ZMIZ1: variants seen among roughly 807,000 people sequenced by gnomAD.
The protein encoded by ZMIZ1 is zinc finger MIZ-type containing 1.
A neutral mutation model predicts 113.9 loss-of-function variants in ZMIZ1; 17 were observed. That is an observed-to-expected ratio of 0.15 (90% CI 0.10 to 0.22). ZMIZ1 has a LOEUF of 0.22. Ranked by LOEUF, ZMIZ1 falls within the 10% of genes least tolerant of loss-of-function variation. The probability of loss-of-function intolerance (pLI) is 1.00; values close to 1 mark genes in which losing one functional copy is unlikely to be tolerated. For synonymous variants in ZMIZ1, 607 were observed against 603.1 expected, an observed-to-expected ratio of 1.01 and a Z score of -0.09; for missense variants, 1,059 against 1,477.8, an observed-to-expected ratio of 0.72 and a Z score of 4.65.
At chr10:79,198,041 C>T (rs150473929) in intron 4 of ZMIZ1, among the ~76,000 whole-genome samples, 1,726 of 152,220 alleles carry the variant, frequency 0.011, 35 homozygotes, top group African/African-American at 0.039. Flanking sequence ...GGGTGGATCA[C>T]GAGATCAAGA....
chr10:79,114,891 AGAGGGACCTG>A (rs1471696509), intron 1 of ZMIZ1, among the ~76,000 whole-genome samples: 2 of 152,188 alleles, frequency 1.3e-5, no homozygotes, highest in African/African-American at 4.8e-5. Flanking sequence ...TGAGGGACTC[AGAGGGACCTG>A]GAGGGTCATC....
At chr10:79,297,875 G>A (rs981248156) in intron 14 of ZMIZ1, among the ~76,000 whole-genome samples, 185 bp downstream of exon 14, 1 of 152,252 alleles carries the variant, frequency 6.6e-6, no homozygotes, top group Admixed American at 6.5e-5. Context: ...CAGGTGGGGT[G>A]AGCCCCAGGG....
chr10:79,072,911 T>C (rs1842339300), intron 1 of ZMIZ1, among the ~76,000 whole-genome samples: 1 of 152,216 alleles, frequency 6.6e-6, no homozygotes, highest in African/African-American at 2.4e-5. Flanking sequence ...GGGGGAGTGC[T>C]CTTTGTCCTT....
At chr10:79,090,481 C>T (rs1202715951) in intron 1 of ZMIZ1, among the ~76,000 whole-genome samples, 3 of 152,108 alleles carry the variant, frequency 2.0e-5, no homozygotes, top group Non-Finnish European at 2.9e-5. Context: ...GGACTGGTGA[C>T]AGGAAGCTGG....
At chr10:79,181,026 G>A (rs1257734501) in intron 4 of ZMIZ1, among the ~76,000 whole-genome samples, 1 of 152,230 alleles carries the variant, frequency 6.6e-6, no homozygotes, top group African/African-American at 2.4e-5. Flanking sequence ...CTCATCCAAG[G>A]CCACGAGGGA....
At chr10:79,299,846 G>A (rs193042882) in intron 16 of ZMIZ1, among the ~76,000 whole-genome samples, 65 of 152,338 alleles carry the variant, frequency 4.3e-4, no homozygotes, top group African/African-American at 1.4e-3. Context: ...GCTGAGACTT[G>A]GGCCCAGGTC....
Position 79,315,358 on chromosome 10 carries a change from A to C in ZMIZ1, c.*2609A>C, listed in dbSNP as rs1478431915. The C allele has an allele frequency of 6.5e-6, 1 of 152,838 alleles. No homozygotes were observed. The highest frequency in any genetic ancestry group is 1.5e-5 in the Non-Finnish European group (1 of 68,092). 9.5% of individuals were successfully genotyped at this position (152,838 alleles called of 1,614,324 possible). ...CAGGTGCAGGTAGACAACGCCCATA[A>C]ACAGAGATGGTCCTGAACTCTGGAG... On this transcript the variant is annotated 3_prime_UTR_variant, in exon 25 of 25. Transcript: ENST00000334512.
chr10:79,298,868 G>A (rs1324097860), intron 15 of ZMIZ1, among the ~76,000 whole-genome samples, 182 bp from the exon 16 acceptor site: 7 of 152,320 alleles, frequency 4.6e-5, no homozygotes, highest in Admixed American at 2.0e-4. Flanking sequence ...GGGCGGGGCC[G>A]TGTAGAATCG....
At chr10:79,165,999 TGTGG>T (rs1331660027) in intron 4 of ZMIZ1, among the ~76,000 whole-genome samples, 9 of 9,936 alleles carry the variant, frequency 9.1e-4, no homozygotes, top group African/African-American at 4.7e-3. Flanking sequence ...TGTGTGTGTG[TGTGG>T]GCTCTCCCTG....
At chr10:79,246,865 G>A (rs1850236319) in intron 7 of ZMIZ1, among the ~76,000 whole-genome samples, 1 of 152,234 alleles carries the variant, frequency 6.6e-6, no homozygotes, top group African/African-American at 2.4e-5. Context: ...CCGGAGGGCC[G>A]AAGGGACTTC....
intron 7 of ZMIZ1, among the ~76,000 whole-genome samples, chr10:79,256,819 T>C (rs1850935615): frequency 6.6e-6 from 1 of 152,218 alleles, no homozygotes. Context: ...CATAAGTGCT[T>C]TGGCATGCCC....
intron 1 of ZMIZ1, among the ~76,000 whole-genome samples, chr10:79,088,852 C>A (rs1347667844): frequency 6.6e-6 from 1 of 152,144 alleles, no homozygotes; most frequent in Non-Finnish European, 1.5e-5. Context: ...TGGGAACATC[C>A]TTCCTGCACC....
At chr10:79,282,092 A>C (rs2081587990) in intron 8 of ZMIZ1, among the ~76,000 whole-genome samples, 1 of 152,232 alleles carries the variant, frequency 6.6e-6, no homozygotes, top group Non-Finnish European at 1.5e-5. Flanking sequence ...TGCAACCTTT[A>C]GGAATTTCAC....
chr10:79,211,611 C>T (rs1848530886), intron 6 of ZMIZ1, among the ~76,000 whole-genome samples: 1 of 152,210 alleles, frequency 6.6e-6, no homozygotes, highest in Admixed American at 6.5e-5. Context: ...CTGTCATACT[C>T]ACTTCTAAGC....
chr10:79,145,171 A>C (rs1845429513), intron 3 of ZMIZ1, among the ~76,000 whole-genome samples: 1 of 146,506 alleles, frequency 6.8e-6, no homozygotes, highest in Admixed American at 6.8e-5. Context: ...TCTTCTCTCT[A>C]TTCCGCTCAT....
rs1589630058 is a variant in ZMIZ1, at chr10:79,313,977, CAT to C, written c.*1229_*1230del. On this transcript the variant is annotated 3_prime_UTR_variant, in exon 25 of 25. Coordinates refer to ENST00000334512, the MANE Select transcript of ZMIZ1 (RefSeq NM_020338.4). The stretch of plus-strand genomic sequence containing the variant: ...CCCCGGCTGCAGCCCAGGCCATGGA[CAT>C]GTGCACCAGTATGTACCTGCAGGCA... 1 of 448,592 alleles carries C rather than the reference CAT, an allele frequency of 2.2e-6. No homozygotes were observed. The highest frequency in any genetic ancestry group is 6.9e-5 in the East Asian group (1 of 14,452). The allele number at this position is 448,592 out of a possible 1,614,324, so 27.8% of individuals were successfully genotyped here. A position where few individuals can be genotyped will look rare whatever the true frequency, so the allele number is the denominator to read the frequency against.
chr10:79,198,754 C>G (rs539988117), intron 4 of ZMIZ1, among the ~76,000 whole-genome samples: 1 of 152,368 alleles, frequency 6.6e-6, no homozygotes, highest in South Asian at 2.1e-4. Context: ...AAATTTGGAG[C>G]CGGGCGCAGT....
chr10:79,228,892 C>T (rs1248612373), intron 7 of ZMIZ1, among the ~76,000 whole-genome samples: 5 of 152,206 alleles, frequency 3.3e-5, no homozygotes, highest in Non-Finnish European at 5.9e-5. Context: ...TATGTATCCC[C>T]GGCCTCATCT....
Position 79,277,298 on chromosome 10 carries a change from G to A in ZMIZ1, c.398G>A (p.Ser133Asn), listed in dbSNP as rs1319896133. ...ATGCAGCCCCCTCTCAGCTCCATGA[G>A]CTCCATGAAACCCACTCTGTCGCAC... Reference protein sequence around the residue: ...LPMQPPLSSMSSMKPTLSHSD... With the variant: ...LPMQPPLSSMNSMKPTLSHSD... The change falls in exon 8 of 25, where the codon AGC (serine) becomes AAC (asparagine). Residue 133 changes from serine (S) to asparagine (N), a missense_variant. Physicochemically the swap from Ser to Asn is conservative, Grantham distance 46. Around this residue, in one of 6 missense-constraint regions of ZMIZ1, gnomAD observed 272 missense variants for 350.4 expected, o/e 0.78. Coordinates refer to ENST00000334512, the MANE Select transcript of ZMIZ1 (RefSeq NM_020338.4). 2 of 1,601,586 alleles carry A rather than the reference G, an allele frequency of 1.2e-6. No homozygotes were observed. Among genetic ancestry groups the A allele is most frequent in the African/African-American group, 1.3e-5 (1 of 74,150 alleles).
Sources: gnomAD v4.1 joint callset for allele counts (sites outside exome capture counted in the v4.1 genomes callset) on GRCh38, gnomAD v4.1.1 for gene constraint, gnomAD v4.1.1 regional missense constraint, MANE v1.5 for transcripts, NCBI Gene and HGNC (gene_info 2026-07-23, HGNC 2026-07-21) for gene names.